Variants in BHMT2 observed in about 807,000 individuals in gnomAD.
The protein encoded by BHMT2 is S-methylmethionine--homocysteine S-methyltransferase BHMT2.
In BHMT2, 28 loss-of-function variants were observed where a neutral mutation model predicts 39.0. The ratio of observed to expected loss-of-function variants is 0.72; its 90% CI spans 0.53 to 0.98. BHMT2 has a LOEUF of 0.98. Among genes scored for constraint, BHMT2 ranks in the 50% least tolerant of loss-of-function variants. BHMT2 has a pLI of 0.00. For missense variants in BHMT2, 410 were observed against 455.6 expected (o/e 0.90, Z 0.91); for synonymous variants, 145 against 160.6 (o/e 0.90, Z 0.74).
intron 1 of BHMT2, among the ~76,000 whole-genome samples, chr5:79,075,022 G>A (rs1339769759): frequency 6.6e-6 from 1 of 152,158 alleles, no homozygotes; most frequent in Non-Finnish European, 1.5e-5. Flanking sequence ...TAAAGGGTCA[G>A]ATAGTAATTA....
rs1755825799 is a variant in BHMT2, at chr5:79,083,254, C to G, written c.661C>G (p.Leu221Val). 6.2e-7 allele frequency: 1 copy of G among 1,614,050 alleles called. No individual in the cohort carries two copies. Among genetic ancestry groups the G allele is most frequent in the Non-Finnish European group, 8.5e-7 (1 of 1,180,042 alleles). The change falls in exon 6 of 8, where the codon CTC (leucine) becomes GTC (valine). Residue 221 changes from leucine (L) to valine (V), a missense_variant. Transcript: ENST00000255192. ...CGACACCAGCTTGAAGACGATGGAGCTCATGAAGGAGGGTCTTGAGTGGGC... is the reference window on the plus strand; with the variant it reads ...CGACACCAGCTTGAAGACGATGGAGGTCATGAAGGAGGGTCTTGAGTGGGC... ...GPDTSLKTMELMKEGLEWAGL... is the reference protein window; with the variant it reads ...GPDTSLKTMEVMKEGLEWAGL...
chr5:79,088,533 G>C lies in BHMT2; in HGVS notation c.1051G>C (p.Gly351Arg), dbSNP rs762225803. 38 of 1,613,996 alleles carry C rather than the reference G, an allele frequency of 2.4e-5. No individual in the cohort carries two copies. Among genetic ancestry groups the C allele is most frequent in the Non-Finnish European group, 3.1e-5 (36 of 1,180,006 alleles). Residue 351 changes from glycine (G) to arginine (R), a missense_variant, in exon 8 of 8, where the codon GGC (glycine) becomes CGC (arginine). Physicochemically the swap from Gly to Arg is moderately radical, Grantham distance 125. Transcript: ENST00000255192. ...EYWENLLPAS[G>R]RPFCPSLSKP... ...TTGGGAGAATCTGCTGCCAGCTTCA[G>C]GCAGACCTTTCTGTCCTTCGCTGTC...
rs1002090090 is a variant in BHMT2 at position 79,073,533 on chromosome 5, G to A, written c.33+3718G>A. On this transcript the variant is annotated intron_variant, in intron 1 of 7. Coordinates refer to ENST00000255192, the MANE Select transcript of BHMT2 (RefSeq NM_017614.5). The stretch of plus-strand genomic sequence containing the variant: ...TGACATGTGGAAGGTCTCAATAAAC[G>A]TCCAAAATTTAAGGCCTTTTTTATA... Among the ~76,000 whole-genome samples the A allele has an allele frequency of 2.4e-4, 36 of 152,172 alleles. 1 individual carries two copies. Among genetic ancestry groups the A allele is most frequent in the Non-Finnish European group, 5.9e-5 (4 of 68,036 alleles).
At position 79,088,589 on chromosome 5, in the gene BHMT2, A is replaced by C. The variant is rs369874568; in HGVS notation, c.*15A>C. 6.2e-7 allele frequency: 1 copy of C among 1,610,700 alleles called. No individual in the cohort carries two copies. Among genetic ancestry groups the C allele is most frequent in the African/African-American group, 1.3e-5 (1 of 74,734 alleles). The stretch of plus-strand genomic sequence containing the variant: ...CAGACTTCTAAGGAGTAGTGAAAGA[A>C]AACCCTGAAATAATCGAACAGGAAA... On this transcript the variant is annotated 3_prime_UTR_variant, in exon 8 of 8. Transcript: ENST00000255192.
rs1339902901 is a variant in BHMT2 at position 79,083,178 on chromosome 5, A to G, written c.599-14A>G. ...AAATAAATAATAAAATGTAAGTGTT[A>G]TTTCTTTGCACAGGGGCTTCCATCG... On this transcript the variant is annotated splice_polypyrimidine_tract_variant and intron_variant, in intron 5 of 7. Transcript: ENST00000255192. 6.2e-7 allele frequency: 1 copy of G among 1,613,424 alleles called. No homozygotes were observed. Among genetic ancestry groups the G allele is most frequent in the African/African-American group, 1.3e-5 (1 of 74,916 alleles).
Position 79,079,354 on chromosome 5 carries a change from C to T in BHMT2, c.167-15C>T, listed in dbSNP as rs1755737935. On this transcript the variant is annotated splice_polypyrimidine_tract_variant and intron_variant, in intron 2 of 7. Transcript: ENST00000255192. Reference sequence around the variant, plus strand: ...ATTCATTTATTTCAATGTTTAAAACCCAACTACTTTGTAGTTCGTCAACTT... The same window carrying T: ...ATTCATTTATTTCAATGTTTAAAACTCAACTACTTTGTAGTTCGTCAACTT... The T allele has an allele frequency of 6.3e-7, 1 of 1,581,404 alleles. No homozygotes were observed. Among genetic ancestry groups the T allele is most frequent in the Non-Finnish European group, 8.7e-7 (1 of 1,154,116 alleles).
In BHMT2 at chr5:79,088,540, C is replaced by A. The variant is rs148183648; in HGVS notation, c.1058C>A (p.Pro353His). 259 of 1,614,004 alleles carry A rather than the reference C, an allele frequency of 1.6e-4. 1 individual carries two copies. The highest frequency in any genetic ancestry group is 5.3e-4 in the Admixed American group (32 of 59,994). The change falls in exon 8 of 8, where the codon CCT (proline) becomes CAT (histidine). Residue 353 changes from proline to histidine, a missense_variant. Transcript: ENST00000255192. Reference protein sequence around the residue: ...WENLLPASGRPFCPSLSKPDF With the variant: ...WENLLPASGRHFCPSLSKPDF The stretch of plus-strand genomic sequence containing the variant: ...AATCTGCTGCCAGCTTCAGGCAGAC[C>A]TTTCTGTCCTTCGCTGTCAAAGCCA...
At chr5:79,088,341 T>C in intron 7 of BHMT2, 152 bp from the exon 8 acceptor site, 1 of 537,288 alleles carries the variant, frequency 1.9e-6, no homozygotes, top group Non-Finnish European at 3.1e-6. Flanking sequence ...TTAGCCTGAT[T>C]ATCCACCAAG....
intron 2 of BHMT2, 131 bp from the exon 3 acceptor site, chr5:79,079,238 T>C: frequency 1.6e-6 from 1 of 631,858 alleles, no homozygotes; most frequent in East Asian, 2.8e-5. Flanking sequence ...TTTTTGTTAC[T>C]ACTAGGTTTG....
At chr5:79,087,306 G>T (rs980992190) in intron 7 of BHMT2, among the ~76,000 whole-genome samples, 13 of 151,758 alleles carry the variant, frequency 8.6e-5, no homozygotes, top group African/African-American at 2.9e-4. Context: ...TACCAGAGAA[G>T]ATGTTTTGTA....
chr5:79,080,887 A>T lies in BHMT2; in HGVS notation c.450+9A>T. Reference sequence around the variant, plus strand: ...ACTTCTTGATTGCAGAGGTGAGGCTAGTATTGGAGGAAAAGGATTGAACCT... The same window carrying T: ...ACTTCTTGATTGCAGAGGTGAGGCTTGTATTGGAGGAAAAGGATTGAACCT... On this transcript the variant is annotated intron_variant, in intron 4 of 7. Coordinates refer to ENST00000255192, the MANE Select transcript of BHMT2 (RefSeq NM_017614.5). 2 of 1,564,632 alleles carry T rather than the reference A, an allele frequency of 1.3e-6. No individual in the cohort carries two copies.
At chr5:79,077,766 A>G (rs1755699861) in intron 2 of BHMT2, 154 bp downstream of exon 2, 6 of 844,496 alleles carry the variant, frequency 7.1e-6, no homozygotes, top group African/African-American at 1.7e-5. Flanking sequence ...ATACAGGCGG[A>G]AGTATATGGA....
At chr5:79,082,240 A>G (rs1455856822) in intron 4 of BHMT2, among the ~76,000 whole-genome samples, 2 of 152,198 alleles carry the variant, frequency 1.3e-5, no homozygotes, top group Non-Finnish European at 2.9e-5. Context: ...TTACCAGACA[A>G]GATGTCCTGT....
intron 7 of BHMT2, among the ~76,000 whole-genome samples, chr5:79,084,484 G>A (rs1755857278): frequency 6.6e-6 from 1 of 152,110 alleles, no homozygotes; most frequent in Non-Finnish European, 1.5e-5. Context: ...ATGTTACCCA[G>A]GCTGGTCTCG....
rs1316193702 is a variant in BHMT2, at chr5:79,077,375, TACAGCTCTAAGA to T, written c.34-102_34-91del. 3.7e-5 allele frequency: 53 copies of T among 1,418,040 alleles called. No individual in the cohort carries two copies. The East Asian group carries it at 1.2e-3, about 33-fold the overall frequency. The allele number at this position is 1,418,040 out of a possible 1,614,324, so 87.8% of individuals were successfully genotyped here. ...TTAGAGCACATGATTTTAACAAAAC[TACAGCTCTAAGA>T]ACGTAATACCACTTCACCTAAAATT... On this transcript the variant is annotated intron_variant, in intron 1 of 7. Coordinates refer to ENST00000255192, the MANE Select transcript of BHMT2 (RefSeq NM_017614.5).
chr5:79,076,053 T>C (rs1425741269), intron 1 of BHMT2, among the ~76,000 whole-genome samples: 2 of 152,150 alleles, frequency 1.3e-5, no homozygotes, highest in East Asian at 3.9e-4. Context: ...TTCTTGCCAG[T>C]GTACTGGAAA....
chr5:79,076,139 TG>T (rs1297883032), intron 1 of BHMT2, among the ~76,000 whole-genome samples: 2 of 152,098 alleles, frequency 1.3e-5, no homozygotes, highest in Admixed American at 6.5e-5. Flanking sequence ...AGCAGATGGA[TG>T]GGGAGCCAGA....
At chr5:79,079,539 TTA>T in intron 3 of BHMT2, 79 bp downstream of exon 3, 1 of 990,638 alleles carries the variant, frequency 1.0e-6, no homozygotes, top group Non-Finnish European at 1.6e-6. Context: ...ATGGAATTGA[TTA>T]TGTGTTACTA....
intron 1 of BHMT2, among the ~76,000 whole-genome samples, chr5:79,070,740 A>G (rs1297742367): frequency 6.6e-6 from 1 of 152,250 alleles, no homozygotes; most frequent in East Asian, 1.9e-4. Flanking sequence ...TACTTAAGTT[A>G]TTAGACAGTT....
Sources: allele counts gnomAD v4.1 joint callset (sites outside exome capture counted in the v4.1 genomes callset), GRCh38; gene constraint gnomAD v4.1.1; transcripts MANE v1.5; gene names NCBI Gene and HGNC (gene_info 2026-07-23, HGNC 2026-07-21).